Variants in ATXN7L1 observed in about 807,000 individuals in gnomAD.
ATXN7L1 encodes ataxin-7-like protein 1.
A neutral mutation model predicts 70.8 loss-of-function variants in ATXN7L1; 15 were observed. The observed-to-expected ratio is 0.21, with a 90% confidence interval of 0.14 to 0.33. The LOEUF is 0.33. ATXN7L1 is among the 10% of genes least tolerant of loss of function. ATXN7L1 has a pLI of 1.00. For synonymous variants in ATXN7L1, 440 were observed against 445.1 expected, an observed-to-expected ratio of 0.99 and a Z score of 0.14; for missense variants, 975 against 1,097.1, an observed-to-expected ratio of 0.89 and a Z score of 1.57.
intron 3 of ATXN7L1, among the ~76,000 whole-genome samples, chr7:105,730,606 C>T (rs1047875393): frequency 6.0e-4 from 92 of 152,214 alleles, no homozygotes; most frequent in African/African-American, 2.1e-3. Flanking sequence ...GTGGCATGTG[C>T]CTGTAATCCC....
chr7:105,646,324 C>A (rs934704374), intron 4 of ATXN7L1, among the ~76,000 whole-genome samples: 2 of 151,024 alleles, frequency 1.3e-5, no homozygotes, highest in Non-Finnish European at 2.9e-5. Context: ...TGGCACCCCC[C>A]AAACCCAAAC....
chr7:105,656,398 C>T (rs1230921764), intron 4 of ATXN7L1, among the ~76,000 whole-genome samples: 1 of 152,198 alleles, frequency 6.6e-6, no homozygotes, highest in Non-Finnish European at 1.5e-5. Context: ...TACCCCCTGA[C>T]CTCTGGCTCC....
chr7:105,863,200 A>G (rs1450795560), intron 2 of ATXN7L1, among the ~76,000 whole-genome samples: 9 of 152,218 alleles, frequency 5.9e-5, no homozygotes, highest in Admixed American at 2.0e-4. Flanking sequence ...CTTGGCAACC[A>G]TCTTTGCTAA....
intron 3 of ATXN7L1, among the ~76,000 whole-genome samples, chr7:105,781,723 C>T (rs1382227176): frequency 6.6e-6 from 1 of 152,206 alleles, no homozygotes; most frequent in African/African-American, 2.4e-5. Context: ...CTTTAATCAA[C>T]ATGAAACTTT....
chr7:105,685,101 T>A (rs1472951808), intron 3 of ATXN7L1, among the ~76,000 whole-genome samples: 1 of 151,298 alleles, frequency 6.6e-6, no homozygotes, highest in African/African-American at 2.4e-5. Flanking sequence ...GTTTTCCAAT[T>A]CCCAGACAAA....
At chr7:105,610,502 G>GGGCCGC in intron 11 of ATXN7L1, 27 bp downstream of exon 11, 1 of 1,525,644 alleles carries the variant, frequency 6.6e-7, no homozygotes, top group Non-Finnish European at 8.9e-7. Flanking sequence ...ATGAATTTTT[G>GGGCCGC]CCCCACCCCC....
At chr7:105,667,607 G>C (rs1349194557) in intron 3 of ATXN7L1, among the ~76,000 whole-genome samples, 1 of 118,772 alleles carries the variant, frequency 8.4e-6, no homozygotes, top group Non-Finnish European at 1.8e-5. Context: ...GCTGAGGCGG[G>C]AGAATGGCGT....
At chr7:105,771,644 A>G (rs752560007) in intron 3 of ATXN7L1, among the ~76,000 whole-genome samples, 15 of 152,226 alleles carry the variant, frequency 9.9e-5, no homozygotes, top group Non-Finnish European at 1.9e-4. Flanking sequence ...TAGGCTGAGA[A>G]GCATTGCCAG....
chr7:105,670,132 C>T (rs1329786893), intron 3 of ATXN7L1, among the ~76,000 whole-genome samples: 6 of 152,000 alleles, frequency 3.9e-5, no homozygotes, highest in Non-Finnish European at 5.9e-5. Context: ...CACAGTTTTG[C>T]GTTGGTGAGG....
intron 3 of ATXN7L1, among the ~76,000 whole-genome samples, chr7:105,773,334 AG>A (rs1335403590): frequency 2.6e-5 from 4 of 152,256 alleles, no homozygotes; most frequent in Non-Finnish European, 5.9e-5. Flanking sequence ...ATACGGCACT[AG>A]AAGCTGCTCT....
rs374015650 is a variant in ATXN7L1 at position 105,613,904 on chromosome 7, G to A, written c.2430C>T (p.Leu810=). Residue 810 remains leucine, a synonymous_variant, in exon 10 of 12, where the codon CTC becomes CTT. Coordinates refer to ENST00000419735, the MANE Select transcript of ATXN7L1 (RefSeq NM_020725.2). ...TGTTAACGGGATCGGGCACCGGTGC[G>A]AGAAGGCTGGGCGGGTTCTTTTTGT... ...SVHKKNPPSL[L]APVPDPVNST... 51 of 1,552,132 alleles carry A rather than the reference G, an allele frequency of 3.3e-5. 1 individual carries two copies. In the East Asian group the frequency reaches 3.4e-4, roughly 10 times the overall value.
intron 3 of ATXN7L1, chr7:105,761,397 A>G (rs141461013): frequency 8.7e-6 from 14 of 1,614,020 alleles, no homozygotes; most frequent in Admixed American, 5.0e-5. Flanking sequence ...ATGCTTCTCT[A>G]TGGCTTGGCT....
At chr7:105,615,931 T>G (rs772342396) in intron 9 of ATXN7L1, among the ~76,000 whole-genome samples, 1 of 152,158 alleles carries the variant, frequency 6.6e-6, no homozygotes, top group Non-Finnish European at 1.5e-5. Flanking sequence ...CCTTCCATCC[T>G]ACAGCCTGGG....
intron 2 of ATXN7L1, among the ~76,000 whole-genome samples, chr7:105,814,719 A>G (rs1372203926): frequency 6.6e-6 from 1 of 152,206 alleles, no homozygotes. Flanking sequence ...CAGAAAGGGG[A>G]TTGACAGAGT....
At chr7:105,836,409 T>C (rs1200234133) in intron 2 of ATXN7L1, among the ~76,000 whole-genome samples, 1 of 151,994 alleles carries the variant, frequency 6.6e-6, no homozygotes, top group Non-Finnish European at 1.5e-5. Context: ...ATGAGACGAA[T>C]GTGTTAAAAA....
intron 9 of ATXN7L1, among the ~76,000 whole-genome samples, chr7:105,619,559 T>A (rs1473164303): frequency 6.4e-5 from 4 of 62,884 alleles, no homozygotes; most frequent in Non-Finnish European, 1.2e-4. Flanking sequence ...TTTTTTTTTT[T>A]TTTTTTTTAA....
intron 3 of ATXN7L1, among the ~76,000 whole-genome samples, chr7:105,697,449 G>A (rs1584762444): frequency 6.6e-6 from 1 of 152,160 alleles, no homozygotes; most frequent in African/African-American, 2.4e-5. Context: ...TGTTCCGCCC[G>A]GCTCACCTGC....
At position 105,858,857 on chromosome 7, in the gene ATXN7L1, T is replaced by C. The variant is rs1816120859; in HGVS notation, c.250+16955A>G. On this transcript the variant is annotated intron_variant, in intron 2 of 11. Transcript: ENST00000419735. ...AGACCAGAACAGGAAGCATTTTAAATGGCAATGTTTTATATATTTATATAT... is the reference window on the plus strand; with the variant it reads ...AGACCAGAACAGGAAGCATTTTAAACGGCAATGTTTTATATATTTATATAT... Among the ~76,000 whole-genome samples, 2 of 152,040 alleles carry C rather than the reference T, an allele frequency of 1.3e-5. 1 individual carries two copies. Among genetic ancestry groups the C allele is most frequent in the Middle Eastern group, 6.9e-3 (2 of 288 alleles).
At chr7:105,859,284 A>C (rs77417576) in intron 2 of ATXN7L1, among the ~76,000 whole-genome samples, 2,447 of 152,288 alleles carry the variant, frequency 0.016, 41 homozygotes, top group East Asian at 0.066. Context: ...TGAGAATTTA[A>C]GTGAACAGCT....
Sources: gnomAD v4.1 joint callset for allele counts (sites outside exome capture counted in the v4.1 genomes callset) on GRCh38, gnomAD v4.1.1 for gene constraint, MANE v1.5 for transcripts, NCBI Gene and HGNC (gene_info 2026-07-23, HGNC 2026-07-21) for gene names.